The following SLCO4A1 variants were observed in gnomAD, a reference collection of about 807,000 sequenced individuals.
SLCO4A1 encodes the protein solute carrier organic anion transporter family member 4A1, also known as colon organic anion transporter.
Under a neutral mutation model 64.6 loss-of-function variants are expected in SLCO4A1, and 51 were observed. The observed-to-expected ratio is 0.79, with a 90% CI of 0.63 to 1.00. The LOEUF (loss-of-function observed/expected upper bound fraction) is 1.00, where lower values mean the gene tolerates loss of function less well. Ranked by LOEUF, SLCO4A1 falls within the 50% of genes least tolerant of loss-of-function variation. The pLI, the probability that SLCO4A1 is intolerant of heterozygous loss-of-function variation, is 0.00. For synonymous variants in SLCO4A1, 471 were observed against 444.9 expected (o/e 1.06, Z -0.74); for missense variants, 919 against 980.5 (o/e 0.94, Z 0.84).
At position 62,668,366 on chromosome 20, in the gene SLCO4A1, G is replaced by T. The variant is rs868099257; in HGVS notation, c.1812-111G>T. 1.8e-4 allele frequency: 235 copies of T among 1,308,144 alleles called. 1 individual carries two copies. The highest frequency in any genetic ancestry group is 1.5e-3 in the South Asian group (128 of 84,774). 81.0% of individuals were successfully genotyped at this position (1,308,144 alleles called of 1,614,324 possible). ...CTCTGACGAGGGGCTTCCCACTTGG[G>T]GGGGGGTGATGATGTGGCTGGGGAC... is the stretch of plus-strand genomic sequence containing the variant. On this transcript the variant is annotated intron_variant, in intron 9 of 11. Coordinates refer to ENST00000217159, the MANE Select transcript of SLCO4A1 (RefSeq NM_016354.4).
rs1347524965 is a variant in SLCO4A1, at chr20:62,664,931, C to T, written c.1122-3C>T. The stretch of plus-strand genomic sequence containing the variant: ...TCTTCTCCACACCCCCACCTCTGCC[C>T]AGCTCCATCTGGCTCCTGCTGAAGA... On this transcript the variant is annotated splice_polypyrimidine_tract_variant and splice_region_variant and intron_variant, in intron 5 of 11. Transcript: ENST00000217159. 6.2e-7 allele frequency: 1 copy of T among 1,602,752 alleles called. No individual in the cohort carries two copies. Among genetic ancestry groups the T allele is most frequent in the African/African-American group, 1.3e-5 (1 of 74,760 alleles).
intron 5 of SLCO4A1, chr20:62,662,970 G>A (rs1479301454): frequency 1.3e-5 from 2 of 152,356 alleles, no homozygotes; most frequent in East Asian, 1.9e-4. Flanking sequence ...TTTTCAAGAC[G>A]TGGGACCCAA....
At chr20:62,667,281 G>A (rs889930801) in intron 7 of SLCO4A1, among the ~76,000 whole-genome samples, 10 of 152,272 alleles carry the variant, frequency 6.6e-5, no homozygotes, top group Non-Finnish European at 1.5e-4. Flanking sequence ...ATTCAAGTGA[G>A]AAGTGCAGAT....
At chr20:62,648,180 G>C (rs1181680658) in intron 1 of SLCO4A1, among the ~76,000 whole-genome samples, 2 of 152,392 alleles carry the variant, frequency 1.3e-5, no homozygotes, top group Non-Finnish European at 2.9e-5. Flanking sequence ...CCCCTGCGGG[G>C]TTGTTGTGGG....
intron 1 of SLCO4A1, among the ~76,000 whole-genome samples, chr20:62,646,913 C>T (rs571612037): frequency 3.3e-5 from 5 of 152,366 alleles, no homozygotes; most frequent in East Asian, 3.9e-4. Flanking sequence ...GTCCTCCCCA[C>T]GCTCCCAGGT....
intron 1 of SLCO4A1, among the ~76,000 whole-genome samples, chr20:62,647,972 G>A (rs1416286801): frequency 2.0e-5 from 3 of 152,254 alleles, no homozygotes; most frequent in Non-Finnish European, 1.5e-5. Context: ...GAGGAAATCG[G>A]AAGAGAACTC....
intron 3 of SLCO4A1, 49 bp downstream of exon 3, chr20:62,658,816 T>C: frequency 1.4e-6 from 2 of 1,470,060 alleles, no homozygotes; most frequent in Non-Finnish European, 1.9e-6. Flanking sequence ...CCCACGTGTC[T>C]CTGGAAGGGG....
rs146360998 is a variant in SLCO4A1 at position 62,656,153 on chromosome 20, C to G, written c.-96-206C>G. ...TGTGAGCAAGCTGGGCACAGCCCCCCACCTTTCCGCAGCGGAGCTGTGGCT... is the reference window on the plus strand; with the variant it reads ...TGTGAGCAAGCTGGGCACAGCCCCCGACCTTTCCGCAGCGGAGCTGTGGCT... On this transcript the variant is annotated intron_variant, in intron 1 of 11. Transcript: ENST00000217159. Among the ~76,000 whole-genome samples the G allele has an allele frequency of 9.0e-3, 1,367 of 152,356 alleles. 38 individuals carry two copies. Among genetic ancestry groups the G allele is most frequent in the African/African-American group, 0.031 (1,283 of 41,580 alleles).
Position 62,658,679 on chromosome 20 carries a change from ATCT to A in SLCO4A1, c.803_805del (p.Phe268del). ...TGACGCCTCTGCCTCTCTCGCAGCC[ATCT>A]TCTACACAGCGGCCATCCTGGGCCC... is the stretch of plus-strand genomic sequence containing the variant. On this transcript the variant is annotated inframe_deletion, in exon 3 of 12. Coordinates refer to ENST00000217159, the MANE Select transcript of SLCO4A1 (RefSeq NM_016354.4). The A allele has an allele frequency of 6.2e-7, 1 of 1,610,074 alleles. No homozygotes were observed. The highest frequency in any genetic ancestry group is 8.5e-7 in the Non-Finnish European group (1 of 1,178,678).
chr20:62,666,677 A>T, intron 7 of SLCO4A1, 102 bp downstream of exon 7: 3 of 1,051,864 alleles, frequency 2.9e-6, no homozygotes, highest in African/African-American at 1.6e-5. Flanking sequence ...GGTGGTTTTG[A>T]AAAGGGCTAC....
intron 2 of SLCO4A1, among the ~76,000 whole-genome samples, 165 bp downstream of exon 2, chr20:62,657,415 T>C (rs929430565): frequency 1.3e-5 from 2 of 152,220 alleles, no homozygotes; most frequent in African/African-American, 4.8e-5. Context: ...GGGTCCGCCC[T>C]GAGGCCCAAA....
chr20:62,671,625 GGGTTTCCGTGGACCTGGTGA>G (rs1405508838), intron 11 of SLCO4A1, 105 bp from the exon 12 acceptor site: 14 of 800,746 alleles, frequency 1.7e-5, no homozygotes, highest in African/African-American at 1.7e-4. Flanking sequence ...AGAGCAGGAT[GGGTTTCCGTGGACCTGGTGA>G]GGGTGCTGCA....
intron 7 of SLCO4A1, among the ~76,000 whole-genome samples, chr20:62,667,136 C>G (rs113298428): frequency 6.6e-6 from 1 of 152,322 alleles, no homozygotes; most frequent in East Asian, 1.9e-4. Context: ...TCAGGGTGGA[C>G]GGGGTCACTA....
In SLCO4A1 at chr20:62,681,510, G is replaced by A. The variant is rs961505841; in HGVS notation, n.212-3931G>A. Among the ~76,000 whole-genome samples, 16 of 113,144 alleles carry A rather than the reference G, an allele frequency of 1.4e-4. 1 individual carries two copies. The highest frequency in any genetic ancestry group is 4.8e-4 in the African/African-American group (14 of 29,278). 74.2% of individuals were successfully genotyped at this position (113,144 alleles called of 152,430 possible). A position where few individuals can be genotyped will look rare whatever the true frequency, so the allele number is the denominator to read the frequency against. On this transcript the variant is annotated intron_variant and non_coding_transcript_variant, in intron 2 of 2. Coordinates refer to the SLCO4A1 transcript ENST00000466818. ...TGTGTGTACACACTCATGTGTGCGC[G>A]TGTTTATTAAGCCGTGTGTACACAC...
chr20:62,656,858 A>G lies in SLCO4A1; in HGVS notation c.404A>G (p.Tyr135Cys). The G allele has an allele frequency of 6.2e-7, 1 of 1,602,154 alleles. No individual in the cohort carries two copies. Among genetic ancestry groups the G allele is most frequent in the Non-Finnish European group, 8.5e-7 (1 of 1,171,978 alleles). The change falls in exon 2 of 12, where the codon TAT becomes TGT. Residue 135 changes from tyrosine to cysteine, a missense_variant. By Grantham distance (194) the Tyr-to-Cys change is radical (BLOSUM62 -2). Coordinates refer to ENST00000217159, the MANE Select transcript of SLCO4A1 (RefSeq NM_016354.4). The stretch of plus-strand genomic sequence containing the variant: ...GTCATCACCTCCCTGGAGCGCCGCT[A>G]TGACCTGCACAGCTACCAGAGCGGG... Reference protein sequence around the residue: ...NTVITSLERRYDLHSYQSGLI... With the variant: ...NTVITSLERRCDLHSYQSGLI...
In SLCO4A1 at chr20:62,672,088, A is replaced by G. The variant is rs1569151256; in HGVS notation, c.*195A>G. 5.5e-6 allele frequency: 8 copies of G among 1,458,596 alleles called. No individual in the cohort carries two copies. The highest frequency in any genetic ancestry group is 1.8e-4 in the Middle Eastern group (1 of 5,602). The allele number at this position is 1,458,596 out of a possible 1,614,324, so 90.4% of individuals were successfully genotyped here. On this transcript the variant is annotated 3_prime_UTR_variant, in exon 12 of 12. Transcript: ENST00000217159. ...TGCAGTGGGTGGGAGGAACTTGCAT[A>G]AATATATATTTATGGACACACAGTT...
intron 2 of SLCO4A1, among the ~76,000 whole-genome samples, chr20:62,682,143 T>G (rs571651744): frequency 2.6e-5 from 4 of 152,348 alleles, no homozygotes; most frequent in Non-Finnish European, 5.9e-5. Flanking sequence ...GTGGTCTGTC[T>G]GTCCCACTAC....
At position 62,644,142 on chromosome 20, in the gene SLCO4A1, G is replaced by A. The variant is rs545317125; in HGVS notation, c.-97+1589G>A. Among the ~76,000 whole-genome samples the A allele has an allele frequency of 2.5e-3, 378 of 152,338 alleles. 1 individual carries two copies. The highest frequency in any genetic ancestry group is 3.8e-3 in the Non-Finnish European group (258 of 68,034). On this transcript the variant is annotated intron_variant, in intron 1 of 11. Transcript: ENST00000217159. This position sits in a 1 kb window ranked among gnomAD's most constrained non-coding sequence, Gnocchi z 5.4. The stretch of plus-strand genomic sequence containing the variant: ...TGTCTGTTCTGGGTTGTCAGTGATC[G>A]CAGGACACCAGTAGGATGTTGCTCG...
rs967917327 is a variant in SLCO4A1 at position 62,672,055 on chromosome 20, T to A, written c.*162T>A. ...CTGTGACCTCCTGTCCCCAGAGCTG[T>A]ACGGCCCTGCAGTGGGTGGGAGGAA... is the stretch of plus-strand genomic sequence containing the variant. On this transcript the variant is annotated 3_prime_UTR_variant, in exon 12 of 12. Coordinates refer to ENST00000217159, the MANE Select transcript of SLCO4A1 (RefSeq NM_016354.4). 5.2e-6 allele frequency: 8 copies of A among 1,530,948 alleles called. No homozygotes were observed. The highest frequency in any genetic ancestry group is 7.0e-6 in the Non-Finnish European group (8 of 1,141,266). 94.8% of individuals were successfully genotyped at this position (1,530,948 alleles called of 1,614,324 possible).
Sources: allele counts gnomAD v4.1 joint callset (sites outside exome capture counted in the v4.1 genomes callset), GRCh38; gene constraint gnomAD v4.1.1; non-coding constraint Gnocchi (gnomAD v3.1); transcripts MANE v1.5; gene names NCBI Gene and HGNC (gene_info 2026-07-23, HGNC 2026-07-21).